GRAMD1C: variants seen among roughly 807,000 people sequenced by gnomAD.
GRAMD1C encodes the protein GRAM domain containing 1C.
In GRAMD1C, 89 loss-of-function variants were observed where a neutral mutation model predicts 97.8. That is an observed-to-expected ratio of 0.91 (90% CI 0.77 to 1.09). GRAMD1C has a LOEUF of 1.09. Among genes scored for constraint, GRAMD1C ranks in the 50% least tolerant of loss-of-function variants. The pLI, the probability that GRAMD1C is intolerant of heterozygous loss-of-function variation, is 0.00. For synonymous variants in GRAMD1C, 256 were observed against 267.0 expected (o/e 0.96, Z 0.40); for missense variants, 740 against 766.4 (o/e 0.97, Z 0.41).
intron 2 of GRAMD1C, among the ~76,000 whole-genome samples, chr3:113,853,891 G>A (rs956549698): frequency 6.6e-6 from 1 of 152,158 alleles, no homozygotes; most frequent in Non-Finnish European, 1.5e-5. Context: ...GAGAGAAGGA[G>A]AACACCAGTG....
At chr3:113,863,425 T>C (rs1934472233) in intron 2 of GRAMD1C, among the ~76,000 whole-genome samples, 1 of 152,016 alleles carries the variant, frequency 6.6e-6, no homozygotes. Context: ...AATTAGCAAA[T>C]CCATAGAGAT....
At chr3:113,845,503 G>A (rs1271289251) in intron 2 of GRAMD1C, among the ~76,000 whole-genome samples, 1 of 152,084 alleles carries the variant, frequency 6.6e-6, no homozygotes, top group Admixed American at 6.5e-5. Context: ...ACCAGCCTGG[G>A]TAACATGGCA....
At chr3:113,942,798 C>G (rs976141232) in intron 17 of GRAMD1C, among the ~76,000 whole-genome samples, 3 of 152,242 alleles carry the variant, frequency 2.0e-5, no homozygotes. Context: ...GGTCAGATGC[C>G]GAAAGTTTCA....
intron 8 of GRAMD1C, among the ~76,000 whole-genome samples, chr3:113,905,512 A>C (rs920666312): frequency 1.3e-5 from 2 of 152,162 alleles, no homozygotes; most frequent in Admixed American, 1.3e-4. Context: ...TACATCTGCC[A>C]CTTGCTAACT....
intron 6 of GRAMD1C, among the ~76,000 whole-genome samples, chr3:113,889,353 T>G (rs1391396534): frequency 6.6e-6 from 1 of 152,238 alleles, no homozygotes; most frequent in Non-Finnish European, 1.5e-5. Context: ...ATTCTGTTCT[T>G]ATGAAATGTT....
chr3:113,850,454 A>T (rs975149135), intron 2 of GRAMD1C: 1 of 1,362,598 alleles, frequency 7.3e-7, no homozygotes, highest in African/African-American at 1.4e-5. Flanking sequence ...GCTGCAGCGT[A>T]GGGTGGCAGC....
chr3:113,930,778 T>C lies in GRAMD1C; in HGVS notation c.1155T>C (p.Thr385=). The C allele has an allele frequency of 1.2e-6, 2 of 1,612,572 alleles. No homozygotes were observed. The highest frequency in any genetic ancestry group is 1.1e-5 in the South Asian group (1 of 91,060). The part of the protein sequence containing the change: ...GGDQLRTMTY[T]IVLNSPLTGK... Reference sequence around the variant, plus strand: ...ATCAGCTGAGAACGATGACCTACACTATAGTCCTTAATAGTCCACTTACTG... The same window carrying C: ...ATCAGCTGAGAACGATGACCTACACCATAGTCCTTAATAGTCCACTTACTG... Residue 385 remains threonine (T), a synonymous_variant, in exon 11 of 18, where the codon ACT becomes ACC. Transcript: ENST00000358160.
At chr3:113,837,340 T>C (rs1209897914), upstream of GRAMD1C, among the ~76,000 whole-genome samples, 1 of 152,212 alleles carries the variant, frequency 6.6e-6, no homozygotes, top group Non-Finnish European at 1.5e-5. Context: ...AGGCCTCAGT[T>C]AATTTAGAAA....
At chr3:113,871,000 C>T (rs1240272859) in intron 3 of GRAMD1C, among the ~76,000 whole-genome samples, 5 of 91,818 alleles carry the variant, frequency 5.4e-5, no homozygotes, top group African/African-American at 7.3e-5. Context: ...CACACACACA[C>T]ACACACACAC....
intron 6 of GRAMD1C, among the ~76,000 whole-genome samples, chr3:113,891,594 T>A (rs1262245395): frequency 6.6e-6 from 1 of 151,954 alleles, no homozygotes; most frequent in South Asian, 2.1e-4. Flanking sequence ...ATTAAAAATA[T>A]TTTTGGCCAA....
intron 6 of GRAMD1C, among the ~76,000 whole-genome samples, chr3:113,893,193 C>G (rs1345800369): frequency 6.6e-6 from 1 of 152,002 alleles, no homozygotes; most frequent in Non-Finnish European, 1.5e-5. Flanking sequence ...GAACCCTGAA[C>G]AGTACTACAG....
At chr3:113,837,723 A>AAAAC (rs58525780), upstream of GRAMD1C, among the ~76,000 whole-genome samples, 36,888 of 149,860 alleles carry the variant, frequency 0.25, 4,699 homozygotes, top group Admixed American at 0.31. Flanking sequence ...CCTGTCTCAA[A>AAAAC]AAACAAACAA....
At chr3:113,922,754 T>C (rs1937105903) in intron 10 of GRAMD1C, among the ~76,000 whole-genome samples, 1 of 152,192 alleles carries the variant, frequency 6.6e-6, no homozygotes, top group Non-Finnish European at 1.5e-5. Flanking sequence ...ACTTTGGCTA[T>C]TGGGCTCTTT....
chr3:113,885,707 T>C (rs1935449884), intron 6 of GRAMD1C: 1 of 1,534,824 alleles, frequency 6.5e-7, no homozygotes, highest in African/African-American at 1.4e-5. Flanking sequence ...TGGAGATCTA[T>C]GGCTTTGCTG....
Position 113,913,139 on chromosome 3 carries a change from C to T in GRAMD1C, c.953-2562C>T, listed in dbSNP as rs541569217. The T allele has an allele frequency of 1.3e-4, 163 of 1,275,674 alleles. No individual in the cohort carries two copies. In the Middle Eastern group the frequency reaches 1.3e-3, roughly 10 times the overall value. 79.0% of individuals were successfully genotyped at this position (1,275,674 alleles called of 1,614,324 possible). A position where few individuals can be genotyped will look rare whatever the true frequency, so the allele number is the denominator to read the frequency against. ...ATTTAGGACTTTAGGAAGATCTACTCTGGCCCCCAGTGGCCAAATAGGTAA... is the reference window on the plus strand; with the variant it reads ...ATTTAGGACTTTAGGAAGATCTACTTTGGCCCCCAGTGGCCAAATAGGTAA... On this transcript the variant is annotated intron_variant, in intron 9 of 17. Coordinates refer to ENST00000358160, the MANE Select transcript of GRAMD1C (RefSeq NM_017577.5).
chr3:113,889,613 A>T (rs996718425), intron 6 of GRAMD1C, among the ~76,000 whole-genome samples: 1 of 152,014 alleles, frequency 6.6e-6, no homozygotes, highest in African/African-American at 2.4e-5. Context: ...TAAGGGGAAC[A>T]GTAGAGATTT....
At chr3:113,855,666 C>T (rs1420579274) in intron 2 of GRAMD1C, among the ~76,000 whole-genome samples, 2 of 150,850 alleles carry the variant, frequency 1.3e-5, no homozygotes, top group African/African-American at 2.4e-5. Context: ...GATCACACCA[C>T]TGTACTCCAG....
chr3:113,939,477 T>C (rs1221302380), intron 15 of GRAMD1C: 1 of 153,330 alleles, frequency 6.5e-6, no homozygotes, highest in African/African-American at 2.4e-5. Context: ...CTTCATTTCC[T>C]TTTCTGAAAG....
chr3:113,859,788 G>T (rs1934291337), intron 2 of GRAMD1C, among the ~76,000 whole-genome samples: 1 of 152,114 alleles, frequency 6.6e-6, no homozygotes, highest in Non-Finnish European at 1.5e-5. Context: ...AGGACCAGAT[G>T]ACTTTACTGG....
Sources: allele counts gnomAD v4.1 joint callset (sites outside exome capture counted in the v4.1 genomes callset), GRCh38; gene constraint gnomAD v4.1.1; transcripts MANE v1.5; gene names NCBI Gene and HGNC (gene_info 2026-07-23, HGNC 2026-07-21).